The following FOXP1 variants were observed in gnomAD, a reference collection of about 807,000 sequenced individuals.
FOXP1 encodes the protein forkhead box protein P1.
FOXP1 carries 15 observed loss-of-function variants against 98.2 expected under a neutral mutation model. The observed-to-expected ratio is 0.15, with a 90% confidence interval of 0.10 to 0.24. FOXP1 has a LOEUF of 0.24. Ranked by LOEUF, FOXP1 falls within the 10% of genes least tolerant of loss-of-function variation. The pLI is 1.00. For missense variants in FOXP1, 633 were observed against 848.5 expected (o/e 0.75, Z 3.15); for synonymous variants, 371 against 314.5 (o/e 1.18, Z -1.90).
intron 2 of FOXP1, among the ~76,000 whole-genome samples, chr3:71,580,215 A>C (rs2048052545): frequency 6.7e-6 from 1 of 149,190 alleles, no homozygotes; most frequent in African/African-American, 2.5e-5. Flanking sequence ...CCTCTCTCTC[A>C]TACAATGACT....
At chr3:71,366,168 C>G (rs1385682103) in intron 3 of FOXP1, among the ~76,000 whole-genome samples, 1 of 152,050 alleles carries the variant, frequency 6.6e-6, no homozygotes, top group Non-Finnish European at 1.5e-5. Flanking sequence ...TGGCAAAGCT[C>G]AGAGACATAC....
intron 6 of FOXP1, among the ~76,000 whole-genome samples, chr3:71,159,928 G>C (rs909928154): frequency 6.6e-6 from 1 of 152,206 alleles, no homozygotes; most frequent in African/African-American, 2.4e-5. Flanking sequence ...GACAGCCACA[G>C]GTCCTGATTC....
chr3:71,522,827 G>C (rs368790421), intron 2 of FOXP1, among the ~76,000 whole-genome samples: 10 of 152,154 alleles, frequency 6.6e-5, no homozygotes, highest in East Asian at 3.9e-4. Context: ...GTAAAGTCAA[G>C]AGAGACACTG....
At chr3:71,330,662 C>T (rs2076235994) in intron 4 of FOXP1, among the ~76,000 whole-genome samples, 1 of 152,106 alleles carries the variant, frequency 6.6e-6, no homozygotes, top group South Asian at 2.1e-4. Context: ...TAGTAGATTG[C>T]CTTAATAAAT....
chr3:71,388,228 T>C (rs1159835420), intron 3 of FOXP1, among the ~76,000 whole-genome samples: 1 of 152,218 alleles, frequency 6.6e-6, no homozygotes, highest in Non-Finnish European at 1.5e-5. Context: ...TTCTGAGAGC[T>C]AGTAAGCTAA....
intron 13 of FOXP1, among the ~76,000 whole-genome samples, chr3:70,990,707 G>A (rs1039709268): frequency 6.6e-6 from 1 of 152,214 alleles, no homozygotes; most frequent in Non-Finnish European, 1.5e-5. Context: ...AGTGGGTATG[G>A]AATGAGTATC....
intron 6 of FOXP1, among the ~76,000 whole-genome samples, chr3:71,192,814 T>C (rs1028623468): frequency 1.3e-5 from 2 of 152,072 alleles, no homozygotes; most frequent in Non-Finnish European, 2.9e-5. Flanking sequence ...CACCCCTAGA[T>C]AACTTTTGCA....
In FOXP1 at chr3:71,046,968, G is replaced by A. The variant is rs2106973087; in HGVS notation, c.638C>T (p.Ala213Val). Reference protein sequence around the residue: ...GLLTIQPGQPALPLQPLAQGM... With the variant: ...GLLTIQPGQPVLPLQPLAQGM... Reference sequence around the variant, plus strand: ...TTGAGCAAGAGGTTGAAGGGGAAGGGCAGGCTGCCCGGGCTGAATTGTCAG... The same window carrying A: ...TTGAGCAAGAGGTTGAAGGGGAAGGACAGGCTGCCCGGGCTGAATTGTCAG... The change falls in exon 10 of 21, where the codon GCC (alanine) becomes GTC (valine). Residue 213 changes from alanine (A) to valine (V), a missense_variant. Coordinates refer to ENST00000649528, the MANE Select transcript of FOXP1 (RefSeq NM_001349338.3). The A allele has an allele frequency of 6.2e-7, 1 of 1,614,054 alleles. No individual in the cohort carries two copies. Among genetic ancestry groups the A allele is most frequent in the East Asian group, 2.2e-5 (1 of 44,884 alleles).
intron 7 of FOXP1, among the ~76,000 whole-genome samples, chr3:71,063,584 T>A (rs1378611899): frequency 6.6e-6 from 1 of 152,272 alleles, no homozygotes; most frequent in African/African-American, 2.4e-5. Context: ...TTAAAAAATC[T>A]GGCTTAACAC....
chr3:71,260,379 G>A (rs969610969), intron 5 of FOXP1, among the ~76,000 whole-genome samples: 5 of 152,126 alleles, frequency 3.3e-5, no homozygotes, highest in Admixed American at 2.6e-4. Context: ...GCCATGTTTT[G>A]TCAAAGAATT....
chr3:71,487,116 C>T (rs1441121531), intron 3 of FOXP1, among the ~76,000 whole-genome samples: 2 of 151,526 alleles, frequency 1.3e-5, no homozygotes, highest in South Asian at 2.1e-4. Context: ...AAAAAGAGAG[C>T]GACATAGACT....
chr3:71,571,219 T>G (rs9825432), intron 2 of FOXP1: 87,658 of 151,974 alleles, frequency 0.58, 26,475 homozygotes, highest in Non-Finnish European at 0.64. Flanking sequence ...AGGAAAAGAT[T>G]CTAAGTTACA....
At chr3:71,020,241 T>C (rs989943756) in intron 11 of FOXP1, among the ~76,000 whole-genome samples, 3 of 152,212 alleles carry the variant, frequency 2.0e-5, no homozygotes, top group Non-Finnish European at 4.4e-5. Context: ...TAATTACATA[T>C]AAATATGTAA....
chr3:71,300,231 CTGTT>C (rs1271175480), intron 4 of FOXP1, among the ~76,000 whole-genome samples: 3 of 152,224 alleles, frequency 2.0e-5, no homozygotes, highest in Non-Finnish European at 4.4e-5. Flanking sequence ...GAACGTGTCT[CTGTT>C]TGGTTAATAT....
chr3:71,307,935 C>T (rs369129937), intron 4 of FOXP1, among the ~76,000 whole-genome samples: 2 of 152,256 alleles, frequency 1.3e-5, no homozygotes, highest in Admixed American at 6.5e-5. Context: ...GAAATAAAGA[C>T]GACAATCCAG....
At chr3:71,430,051 G>A (rs1212518802) in intron 3 of FOXP1, among the ~76,000 whole-genome samples, 1 of 152,156 alleles carries the variant, frequency 6.6e-6, no homozygotes, top group Admixed American at 6.5e-5. Flanking sequence ...GCTCACACAG[G>A]AAGTGATACG....
chr3:71,273,280 G>T (rs114441390), intron 5 of FOXP1, among the ~76,000 whole-genome samples: 144 of 152,324 alleles, frequency 9.5e-4, no homozygotes, highest in Non-Finnish European at 1.9e-3. Flanking sequence ...ACAATCAAAT[G>T]ATAATTTGCA....
At chr3:70,994,724 C>T (rs1575969846) in intron 13 of FOXP1, among the ~76,000 whole-genome samples, 1 of 152,306 alleles carries the variant, frequency 6.6e-6, no homozygotes, top group Non-Finnish European at 1.5e-5. Context: ...CACACACCTC[C>T]ACCCCCGTCG....
At chr3:70,986,307 G>C (rs766610849) in intron 14 of FOXP1, among the ~76,000 whole-genome samples, 1 of 152,128 alleles carries the variant, frequency 6.6e-6, no homozygotes, top group East Asian at 1.9e-4. Flanking sequence ...CGCCCTACGG[G>C]GTTTTGTAGT....
Sources: allele counts gnomAD v4.1 joint callset (sites outside exome capture counted in the v4.1 genomes callset), GRCh38; gene constraint gnomAD v4.1.1; transcripts MANE v1.5; gene names NCBI Gene and HGNC (gene_info 2026-07-23, HGNC 2026-07-21).